The following DGKI variants were observed in gnomAD, a reference collection of about 807,000 sequenced individuals.
DGKI encodes the protein diacylglycerol kinase iota, also known as DAG kinase iota.
A neutral mutation model predicts 147.5 loss-of-function variants in DGKI; 55 were observed. The observed-to-expected ratio is 0.37, with a 90% CI of 0.30 to 0.47. The LOEUF is 0.47. Ranked by LOEUF, DGKI falls within the 20% of genes least tolerant of loss-of-function variation. The probability of loss-of-function intolerance (pLI) is 1.00; values close to 1 mark genes in which losing one functional copy is unlikely to be tolerated. For synonymous variants in DGKI, 469 were observed against 477.1 expected (o/e 0.98, Z 0.22); for missense variants, 1,007 against 1,323.8 (o/e 0.76, Z 3.71).
chr7:137,779,949 G>C (rs1796470512), intron 1 of DGKI, among the ~76,000 whole-genome samples: 1 of 152,194 alleles, frequency 6.6e-6, no homozygotes, highest in Admixed American at 6.5e-5. Flanking sequence ...TGAAGATAGA[G>C]AAAATAAAAT....
chr7:137,535,942 G>A (rs1817504111), intron 20 of DGKI, among the ~76,000 whole-genome samples: 1 of 152,100 alleles, frequency 6.6e-6, no homozygotes, highest in African/African-American at 2.4e-5. Flanking sequence ...TTACTTAGTG[G>A]TGCTATTTTT....
chr7:137,442,386 C>G (rs565819861), intron 28 of DGKI, among the ~76,000 whole-genome samples: 1 of 152,128 alleles, frequency 6.6e-6, no homozygotes, highest in East Asian at 1.9e-4. Context: ...AATTATAATT[C>G]ACAAGTTTCC....
At chr7:137,822,235 T>C (rs567857689) in intron 1 of DGKI, among the ~76,000 whole-genome samples, 1 of 152,116 alleles carries the variant, frequency 6.6e-6, no homozygotes, top group African/African-American at 2.4e-5. Context: ...GGCGAAACCC[T>C]GTCTCTACTA....
chr7:137,743,003 T>G (rs1795223898), intron 1 of DGKI, among the ~76,000 whole-genome samples: 1 of 152,140 alleles, frequency 6.6e-6, no homozygotes, highest in South Asian at 2.1e-4. Context: ...TAAAATAGAC[T>G]TTAAACCAAC....
intron 21 of DGKI, among the ~76,000 whole-genome samples, chr7:137,516,402 G>A (rs887808479): frequency 3.9e-5 from 6 of 151,940 alleles, no homozygotes; most frequent in Non-Finnish European, 5.9e-5. Flanking sequence ...CAAATGCATC[G>A]CCCAAGGTCA....
At chr7:137,402,475 T>C (rs1811794347) in intron 30 of DGKI, among the ~76,000 whole-genome samples, 1 of 152,244 alleles carries the variant, frequency 6.6e-6, no homozygotes, top group African/African-American at 2.4e-5. Flanking sequence ...GCCTTCCAAA[T>C]TACAATGTTG....
At chr7:137,751,021 G>A (rs1019299920) in intron 1 of DGKI, among the ~76,000 whole-genome samples, 1 of 152,116 alleles carries the variant, frequency 6.6e-6, no homozygotes, top group Non-Finnish European at 1.5e-5. Context: ...ATCTGTAAAG[G>A]CCACTTCTAG....
At chr7:137,555,757 G>T (rs2550981) in intron 19 of DGKI, among the ~76,000 whole-genome samples, 16,589 of 151,918 alleles carry the variant, frequency 0.11, 2,045 homozygotes, top group African/African-American at 0.3. Flanking sequence ...CATTTTACCT[G>T]CCCCACTACC....
intron 20 of DGKI, among the ~76,000 whole-genome samples, chr7:137,525,847 A>C (rs1817125292): frequency 6.6e-6 from 1 of 152,158 alleles, no homozygotes; most frequent in South Asian, 2.1e-4. Flanking sequence ...GAGCACATGA[A>C]GGAACCTCCC....
chr7:137,841,021 C>G (rs1323157490), intron 1 of DGKI, among the ~76,000 whole-genome samples: 1 of 152,222 alleles, frequency 6.6e-6, no homozygotes, highest in Middle Eastern at 3.2e-3. Context: ...TTACTATTAT[C>G]TCATTTTAGA....
intron 19 of DGKI, among the ~76,000 whole-genome samples, chr7:137,568,995 T>C (rs528759950): frequency 6.6e-6 from 1 of 151,078 alleles, no homozygotes; most frequent in Non-Finnish European, 1.5e-5. Context: ...TGAGAAGGCA[T>C]AGAAGAAACA....
chr7:137,533,868 C>T (rs1817426915), intron 20 of DGKI, among the ~76,000 whole-genome samples: 1 of 151,826 alleles, frequency 6.6e-6, no homozygotes, highest in South Asian at 2.1e-4. Context: ...AGTCAAATAC[C>T]TGAGCTATAA....
chr7:137,532,739 T>G (rs1444002096), intron 20 of DGKI, among the ~76,000 whole-genome samples: 1 of 152,136 alleles, frequency 6.6e-6, no homozygotes, highest in Non-Finnish European at 1.5e-5. Flanking sequence ...TTCAGCCCAT[T>G]TAGCCAACTG....
At chr7:137,498,850 T>C (rs1445793848) in intron 21 of DGKI, among the ~76,000 whole-genome samples, 2 of 152,178 alleles carry the variant, frequency 1.3e-5, no homozygotes, top group Non-Finnish European at 1.5e-5. Flanking sequence ...AGTTGGATCA[T>C]AGTGAAGCAG....
intron 1 of DGKI, among the ~76,000 whole-genome samples, chr7:137,699,280 G>A (rs1199232635): frequency 6.6e-6 from 1 of 152,214 alleles, no homozygotes; most frequent in Admixed American, 6.5e-5. Flanking sequence ...CCATCACCTT[G>A]GGGGTTAGGA....
Position 137,533,641 on chromosome 7 carries a change from A to G in DGKI, c.2148-11675T>C, listed in dbSNP as rs1174067088. Among the ~76,000 whole-genome samples, 13 of 152,252 alleles carry G rather than the reference A, an allele frequency of 8.5e-5. 4 individuals are homozygous for G. Among genetic ancestry groups the G allele is most frequent in the Admixed American group, 7.2e-4 (11 of 15,292 alleles). On this transcript the variant is annotated intron_variant, in intron 20 of 32. Transcript: ENST00000614521. ...AGCCAAATGACATAATCACGTCCCA[A>G]TTAGAGGACATAGCCACCTTTCTTA...
intron 21 of DGKI, among the ~76,000 whole-genome samples, chr7:137,509,339 A>G (rs144309079): frequency 3.3e-4 from 50 of 152,302 alleles, no homozygotes; most frequent in African/African-American, 1.2e-3. Context: ...GAATACAGTC[A>G]ATGAGCTGAG....
intron 3 of DGKI, among the ~76,000 whole-genome samples, chr7:137,661,009 A>G (rs1035050195): frequency 2.6e-5 from 4 of 152,116 alleles, no homozygotes; most frequent in Non-Finnish European, 4.4e-5. Flanking sequence ...GTCATTCCCA[A>G]TTGTCAGAAG....
intron 23 of DGKI, among the ~76,000 whole-genome samples, chr7:137,473,483 A>G (rs1312206616): frequency 2.0e-5 from 3 of 152,142 alleles, no homozygotes; most frequent in Non-Finnish European, 4.4e-5. Context: ...TATCAAAGTG[A>G]TCTGAGATTT....
Sources: gnomAD v4.1 joint callset for allele counts (sites outside exome capture counted in the v4.1 genomes callset) on GRCh38, gnomAD v4.1.1 for gene constraint, MANE v1.5 for transcripts, NCBI Gene and HGNC (gene_info 2026-07-23, HGNC 2026-07-21) for gene names.